Variants in MARK1 observed in about 807,000 individuals in gnomAD.
MARK1 encodes the protein serine/threonine-protein kinase MARK1.
In MARK1, 40 loss-of-function variants were observed where a neutral mutation model predicts 96.3. The ratio of observed to expected loss-of-function variants is 0.42; its 90% CI spans 0.32 to 0.54. MARK1 has a LOEUF of 0.54. Ranked by LOEUF, MARK1 falls within the 20% of genes least tolerant of loss-of-function variation. MARK1 has a pLI of 0.16. For missense variants in MARK1, 719 were observed against 984.6 expected, an observed-to-expected ratio of 0.73 and a Z score of 3.61; for synonymous variants, 317 against 341.2, an observed-to-expected ratio of 0.93 and a Z score of 0.78.
intron 9 of MARK1, among the ~76,000 whole-genome samples, chr1:220,630,042 C>G (rs1667583509): frequency 1.3e-5 from 2 of 152,158 alleles, no homozygotes; most frequent in South Asian, 4.1e-4. Flanking sequence ...TCCATAGCAG[C>G]TGCACCATTT....
intron 9 of MARK1, chr1:220,626,148 C>A: frequency 1.6e-6 from 1 of 611,534 alleles, no homozygotes; most frequent in Non-Finnish European, 3.1e-6. Context: ...GGGCTGGGGG[C>A]CTGAACCATG....
At chr1:220,546,294 A>AT (rs1210877679) in intron 1 of MARK1, among the ~76,000 whole-genome samples, 1 of 152,214 alleles carries the variant, frequency 6.6e-6, no homozygotes. Flanking sequence ...AAAGATTCAC[A>AT]TTTCATAATG....
intron 12 of MARK1, 61 bp from the exon 13 acceptor site, chr1:220,635,772 G>T: frequency 3.7e-6 from 5 of 1,349,618 alleles, no homozygotes; most frequent in Non-Finnish European, 5.1e-6. Flanking sequence ...GTTTTTGTTT[G>T]TGAGCAGAAA....
intron 1 of MARK1, among the ~76,000 whole-genome samples, chr1:220,572,651 G>A (rs932079952): frequency 6.6e-6 from 1 of 152,110 alleles, no homozygotes; most frequent in East Asian, 1.9e-4. Context: ...TAAGTTCCAC[G>A]TACAGTATTA....
At chr1:220,539,629 T>A (rs1660989908) in intron 1 of MARK1, among the ~76,000 whole-genome samples, 1 of 152,220 alleles carries the variant, frequency 6.6e-6, no homozygotes, top group African/African-American at 2.4e-5. Context: ...ATTGAGATGA[T>A]CAGGCAATTT....
chr1:220,616,136 C>G, intron 7 of MARK1, 141 bp downstream of exon 7: 1 of 395,750 alleles, frequency 2.5e-6, no homozygotes, highest in Non-Finnish European at 4.4e-6. Flanking sequence ...ATTCTCACAG[C>G]AACTTTATGA....
Position 220,650,635 on chromosome 1 carries a change from GGAGGTA to G in MARK1, c.1488_1493del (p.Gly497_Ser498del). The G allele has an allele frequency of 6.2e-7, 1 of 1,603,988 alleles. No homozygotes were observed. The highest frequency in any genetic ancestry group is 8.5e-7 in the Non-Finnish European group (1 of 1,171,334). ...ATTCTTGAAGAACAATGTGTATTCT[GGAGGTA>G]GCATGGCAAGAAGGAATACATATGT... On this transcript the variant is annotated inframe_deletion, in exon 14 of 18. Transcript: ENST00000366917.
chr1:220,539,548 T>G (rs1157466427), intron 1 of MARK1, among the ~76,000 whole-genome samples: 3 of 152,188 alleles, frequency 2.0e-5, no homozygotes, highest in Non-Finnish European at 1.5e-5. Context: ...TTTTTTTCCA[T>G]TCTTATTTTG....
At chr1:220,531,405 T>G (rs936097448) in intron 1 of MARK1, among the ~76,000 whole-genome samples, 4 of 152,204 alleles carry the variant, frequency 2.6e-5, no homozygotes, top group Admixed American at 2.6e-4. Flanking sequence ...ACATTTTATT[T>G]TCCTTAGAAA....
In MARK1 at chr1:220,662,320, A is replaced by G; in HGVS notation, c.*154A>G. ...AGGTTATACATAGTTATGAACTGTA[A>G]AATTAAAGTCAGTATGAACTATAAT... On this transcript the variant is annotated 3_prime_UTR_variant, in exon 18 of 18. Coordinates refer to ENST00000366917, the MANE Select transcript of MARK1 (RefSeq NM_018650.5). 1 of 596,990 alleles carries G rather than the reference A, an allele frequency of 1.7e-6. No homozygotes were observed. Among genetic ancestry groups the G allele is most frequent in the East Asian group, 2.8e-5 (1 of 36,298 alleles). The allele number at this position is 596,990 out of a possible 1,614,324, so 37.0% of individuals were successfully genotyped here.
intron 13 of MARK1, among the ~76,000 whole-genome samples, chr1:220,643,752 A>G (rs1353002534): frequency 1.3e-5 from 2 of 152,198 alleles, no homozygotes; most frequent in Non-Finnish European, 2.9e-5. Flanking sequence ...AAGCCAAAAG[A>G]GATTGGGGGC....
At chr1:220,556,480 T>A (rs1399481115) in intron 1 of MARK1, among the ~76,000 whole-genome samples, 6 of 91,264 alleles carry the variant, frequency 6.6e-5, no homozygotes, top group Non-Finnish European at 8.3e-5. Context: ...CCCATGGGAC[T>A]GTCACAAAAA....
At chr1:220,642,506 G>T (rs532775800) in intron 13 of MARK1, among the ~76,000 whole-genome samples, 4 of 152,242 alleles carry the variant, frequency 2.6e-5, no homozygotes, top group East Asian at 1.9e-4. Flanking sequence ...AGAGCACCTG[G>T]GGGGAGGGGC....
chr1:220,549,113 T>C (rs1661695966), intron 1 of MARK1, among the ~76,000 whole-genome samples: 1 of 152,216 alleles, frequency 6.6e-6, no homozygotes, highest in Admixed American at 6.5e-5. Flanking sequence ...TTGCCCTTTG[T>C]ATACCACAAT....
chr1:220,611,454 T>G lies in MARK1; in HGVS notation c.496-4485T>G, dbSNP rs571864522. Among the ~76,000 whole-genome samples the G allele has an allele frequency of 5.9e-5, 9 of 152,106 alleles. No homozygotes were observed. In the South Asian group the frequency reaches 1.7e-3, roughly 28 times the overall value. ...AAAAGCGTAGTATTTGGGTGGGGAG[T>G]GTCCCGTTTTTCCAGGTAGTCTGTC... On this transcript the variant is annotated intron_variant, in intron 6 of 17. Transcript: ENST00000366917.
chr1:220,561,769 G>A lies in MARK1; in HGVS notation c.52-17585G>A, dbSNP rs574346343. Among the ~76,000 whole-genome samples the A allele has an allele frequency of 8.4e-4, 128 of 152,302 alleles. 4 individuals carry two copies. The South Asian group carries it at 0.025, about 30-fold the overall frequency. On this transcript the variant is annotated intron_variant, in intron 1 of 17. Transcript: ENST00000366917. ...AGAGACAGTATGTTAATGAATAAAA[G>A]ATCAACCATTTTGTATTTGGAATTT... is the stretch of plus-strand genomic sequence containing the variant.
At chr1:220,551,758 A>G (rs936688490) in intron 1 of MARK1, among the ~76,000 whole-genome samples, 1 of 152,184 alleles carries the variant, frequency 6.6e-6, no homozygotes, top group Admixed American at 6.5e-5. Context: ...AATAAGGAAA[A>G]AATATTTATA....
intron 9 of MARK1, among the ~76,000 whole-genome samples, chr1:220,620,611 C>T (rs566722468): frequency 1.3e-5 from 2 of 152,158 alleles, no homozygotes; most frequent in East Asian, 1.9e-4. Flanking sequence ...TAGCCAAACA[C>T]TTTAGTCTTT....
chr1:220,622,915 C>T (rs1286272684), intron 9 of MARK1, among the ~76,000 whole-genome samples: 1 of 152,104 alleles, frequency 6.6e-6, no homozygotes, highest in Admixed American at 6.5e-5. Context: ...AAATGTGCAT[C>T]TAAGTATAGA....
Sources: allele counts gnomAD v4.1 joint callset (sites outside exome capture counted in the v4.1 genomes callset), GRCh38; gene constraint gnomAD v4.1.1; transcripts MANE v1.5; gene names NCBI Gene and HGNC (gene_info 2026-07-23, HGNC 2026-07-21).